Variants in ULK4 observed in about 807,000 individuals in gnomAD.
ULK4 encodes inactive serine/threonine-protein kinase ULK4.
A neutral mutation model predicts 160.6 loss-of-function variants in ULK4; 133 were observed. That is an observed-to-expected ratio of 0.83 (90% CI 0.72 to 0.96). The LOEUF (loss-of-function observed/expected upper bound fraction) is 0.96. Ranked by LOEUF, ULK4 falls within the 40% of genes least tolerant of loss-of-function variation. The pLI is 0.00. For synonymous variants in ULK4, 534 were observed against 539.8 expected (o/e 0.99, Z 0.15); for missense variants, 1,580 against 1,499.5 (o/e 1.05, Z -0.89).
chr3:41,751,092 A>G (rs191546971), intron 22 of ULK4, among the ~76,000 whole-genome samples: 33 of 151,372 alleles, frequency 2.2e-4, no homozygotes, highest in Non-Finnish European at 1.8e-4. Flanking sequence ...TTCAAGTACC[A>G]TGTTTCCCTA....
chr3:41,546,519 C>G (rs556363441), intron 32 of ULK4, among the ~76,000 whole-genome samples: 1 of 152,238 alleles, frequency 6.6e-6, no homozygotes, highest in South Asian at 2.1e-4. Flanking sequence ...AGCCTTGCAA[C>G]ATGTACCCCA....
chr3:41,721,348 ATATATATATATATATTTTTTTTTTTTTTT>A (rs1263643495), intron 22 of ULK4, among the ~76,000 whole-genome samples: 5 of 52,928 alleles, frequency 9.4e-5, no homozygotes, highest in African/African-American at 5.1e-4. Flanking sequence ...ATATATATAT[ATATATATATATATATTTTTTTTTTTTTTT>A]TTTTGAAACG....
At chr3:41,876,677 A>G (rs573043426) in intron 17 of ULK4, among the ~76,000 whole-genome samples, 4 of 152,364 alleles carry the variant, frequency 2.6e-5, no homozygotes, top group African/African-American at 9.6e-5. Flanking sequence ...TAGTATACTC[A>G]TGTAATAAAA....
intron 34 of ULK4, among the ~76,000 whole-genome samples, chr3:41,408,210 C>T (rs1199641819): frequency 1.1e-4 from 16 of 151,616 alleles, no homozygotes; most frequent in African/African-American, 2.9e-4. Flanking sequence ...GGGCGGATCA[C>T]GAGGTCAGGA....
At chr3:41,901,695 G>A (rs192163699) in intron 12 of ULK4, among the ~76,000 whole-genome samples, 106 of 149,000 alleles carry the variant, frequency 7.1e-4, no homozygotes, top group African/African-American at 2.4e-3. Context: ...GGCCAGGCTG[G>A]TCTCGAACTC....
intron 35 of ULK4, among the ~76,000 whole-genome samples, chr3:41,319,675 T>C (rs910423781): frequency 2.0e-5 from 3 of 152,242 alleles, no homozygotes; most frequent in Admixed American, 1.3e-4. Context: ...GTGTTTACCA[T>C]GTGCCTGATA....
intron 31 of ULK4, among the ~76,000 whole-genome samples, chr3:41,566,803 A>C (rs1352736432): frequency 1.3e-5 from 2 of 152,230 alleles, no homozygotes; most frequent in Non-Finnish European, 2.9e-5. Flanking sequence ...ATTGCTGTGA[A>C]TATTTTTTAA....
rs57463009 is a variant in ULK4 at position 41,961,550 on chromosome 3, A to ACCCCTCCCCCCCCCCCC, written c.-49+465_-49+466insGGGGGGGGGGGGAGGGG. On this transcript the variant is annotated intron_variant, in intron 1 of 36. Transcript: ENST00000301831. ...ACTCAGGGGCGCTACGTAGTCACTC[A>ACCCCTCCCCCCCCCCCC]CCCCCCCCCCCCCCCCCCCCGCTCC... Among the ~76,000 whole-genome samples the ACCCCTCCCCCCCCCCCC allele has an allele frequency of 1.7e-4, 21 of 124,684 alleles. 2 individuals carry two copies. The highest frequency in any genetic ancestry group is 2.4e-4 in the South Asian group (1 of 4,206). The allele number at this position is 124,684 out of a possible 152,430, so 81.8% of individuals were successfully genotyped here.
intron 34 of ULK4, among the ~76,000 whole-genome samples, chr3:41,418,386 T>C (rs2082582241): frequency 6.6e-6 from 1 of 150,688 alleles, no homozygotes; most frequent in Admixed American, 6.6e-5. Context: ...TGTCTGCAAG[T>C]TTTTTCAAAC....
At position 41,574,156 on chromosome 3, in the gene ULK4, G is replaced by A. The variant is rs138540616; in HGVS notation, c.3121-8026C>T. Among the ~76,000 whole-genome samples the A allele has an allele frequency of 5.7e-3, 872 of 152,256 alleles. 6 individuals are homozygous for A. The highest frequency in any genetic ancestry group is 0.017 in the Middle Eastern group (5 of 294). ...ATTGAGCCATTGCACTGCAGCCTGGGCAACAAGAGCGAAACTCCGTCTCAA... is the reference window on the plus strand; with the variant it reads ...ATTGAGCCATTGCACTGCAGCCTGGACAACAAGAGCGAAACTCCGTCTCAA... On this transcript the variant is annotated intron_variant, in intron 31 of 36. Transcript: ENST00000301831.
At chr3:41,805,000 T>C (rs555223530) in intron 19 of ULK4, among the ~76,000 whole-genome samples, 98 of 152,238 alleles carry the variant, frequency 6.4e-4, no homozygotes, top group Non-Finnish European at 1.2e-3. Flanking sequence ...TTTAAAGTAG[T>C]TTTTTCAAAT....
At chr3:41,880,308 T>C (rs1183181956) in intron 17 of ULK4, among the ~76,000 whole-genome samples, 1 of 149,658 alleles carries the variant, frequency 6.7e-6, no homozygotes, top group Non-Finnish European at 1.5e-5. Flanking sequence ...CTTCAGATGG[T>C]TATATTTTTC....
At chr3:41,702,213 A>C (rs542394983) in intron 27 of ULK4, among the ~76,000 whole-genome samples, 7 of 152,110 alleles carry the variant, frequency 4.6e-5, no homozygotes, top group Admixed American at 6.6e-5. Flanking sequence ...AGGCTGGAGT[A>C]CAGTGGCTTG....
chr3:41,719,538 T>G (rs1165862382), intron 22 of ULK4, among the ~76,000 whole-genome samples: 1 of 152,166 alleles, frequency 6.6e-6, no homozygotes, highest in African/African-American at 2.4e-5. Flanking sequence ...CTCTACCTTA[T>G]TAAACAAACC....
intron 33 of ULK4, among the ~76,000 whole-genome samples, chr3:41,461,631 T>C (rs1237378339): frequency 1.3e-5 from 2 of 152,230 alleles, no homozygotes; most frequent in Non-Finnish European, 2.9e-5. Context: ...AACCAGCAAG[T>C]TGGAAATAGA....
At chr3:41,904,379 C>T (rs144039261) in intron 12 of ULK4, among the ~76,000 whole-genome samples, 4 of 152,188 alleles carry the variant, frequency 2.6e-5, no homozygotes, top group African/African-American at 9.6e-5. Context: ...CAATGAGCAA[C>T]GATCATGCCC....
rs1216415644 is a variant in ULK4 at position 41,279,267 on chromosome 3, A to C, written c.3679-29693T>G. On this transcript the variant is annotated intron_variant, in intron 35 of 36. Coordinates refer to ENST00000301831, the MANE Select transcript of ULK4 (RefSeq NM_017886.4). ...GAGAAAAAAAGAGTAAAAAAAAAAA[A>C]AAAAAAAACAAAACGACAAAGCCTC... Among the ~76,000 whole-genome samples, 14 of 145,138 alleles carry C rather than the reference A, an allele frequency of 9.6e-5. No individual in the cohort carries two copies. The East Asian group carries it at 9.8e-4, about 10-fold the overall frequency.
chr3:41,620,155 C>T (rs1266741135), intron 30 of ULK4, among the ~76,000 whole-genome samples: 1 of 152,104 alleles, frequency 6.6e-6, no homozygotes, highest in Non-Finnish European at 1.5e-5. Flanking sequence ...CAGGACCAGA[C>T]AAATTCACAG....
rs970884872 is a variant in ULK4, at chr3:41,342,000, C to T, written c.3678+56079G>A. On this transcript the variant is annotated intron_variant, in intron 35 of 36. Coordinates refer to ENST00000301831, the MANE Select transcript of ULK4 (RefSeq NM_017886.4). ...AGCCAATGCAGCACATTTCAGCAGA[C>T]GAGTCAATTGAAGTGATTTTGGGGT... 1.9e-4 allele frequency among the ~76,000 whole-genome samples: 29 copies of T among 152,206 alleles called. 1 individual carries two copies. Among genetic ancestry groups the T allele is most frequent in the African/African-American group, 5.5e-4 (23 of 41,540 alleles).
Sources: allele counts gnomAD v4.1 joint callset (sites outside exome capture counted in the v4.1 genomes callset), GRCh38; gene constraint gnomAD v4.1.1; transcripts MANE v1.5; gene names NCBI Gene and HGNC (gene_info 2026-07-23, HGNC 2026-07-21).